The following SPON1 variants were observed in gnomAD, a reference collection of about 807,000 sequenced individuals.
SPON1 encodes spondin 1, also known as spondin-1.
Under a neutral mutation model 111.7 loss-of-function variants are expected in SPON1, and 52 were observed. The observed-to-expected ratio is 0.47, with a 90% CI of 0.37 to 0.59. The LOEUF (loss-of-function observed/expected upper bound fraction) is 0.59, where lower values mean the gene tolerates loss of function less well. Ranked by LOEUF, SPON1 falls within the 20% of genes least tolerant of loss-of-function variation. The probability of loss-of-function intolerance (pLI) is 0.00; values close to 1 mark genes in which losing one functional copy is unlikely to be tolerated. For synonymous variants in SPON1, 410 were observed against 395.8 expected (o/e 1.04, Z -0.43); for missense variants, 957 against 1,068.5 (o/e 0.90, Z 1.46).
In SPON1 at chr11:13,969,894, C is replaced by A. The variant is rs1324889690; in HGVS notation, c.238+6752C>A. On this transcript the variant is annotated intron_variant, in intron 1 of 15. Coordinates refer to ENST00000576479, the MANE Select transcript of SPON1 (RefSeq NM_006108.4). ...TTCCTCAGTTGAGTAGCAGATAAAC[C>A]CTTGGTTTGCTCTGACATGCAAGTA... is the stretch of plus-strand genomic sequence containing the variant. Among the ~76,000 whole-genome samples the A allele has an allele frequency of 2.8e-4, 43 of 152,126 alleles. 2 individuals are homozygous for A. The highest frequency in any genetic ancestry group is 2.8e-3 in the Admixed American group (43 of 15,284).
intron 6 of SPON1, among the ~76,000 whole-genome samples, chr11:14,140,720 TTTTTCCTG>T (rs1847644123): frequency 6.6e-6 from 1 of 152,136 alleles, no homozygotes; most frequent in Non-Finnish European, 1.5e-5. Context: ...CTTTTTCTTT[TTTTTCCTG>T]TTGGAGGAAA....
At chr11:14,265,479 C>G (rs1214211495) in intron 15 of SPON1, 45 bp from the exon 16 acceptor site, 1 of 1,582,494 alleles carries the variant, frequency 6.3e-7, no homozygotes, top group Non-Finnish European at 8.6e-7. Flanking sequence ...CATCCCTGTT[C>G]CGTCCCGTTT....
At chr11:14,236,135 G>C (rs1009964870) in intron 6 of SPON1, among the ~76,000 whole-genome samples, 2 of 152,110 alleles carry the variant, frequency 1.3e-5, no homozygotes, top group African/African-American at 4.8e-5. Context: ...ACTGCTGCAC[G>C]AACAAGAGTC....
chr11:13,981,517 G>A lies in SPON1; in HGVS notation c.239-1330G>A, dbSNP rs547593564. ...AATTGTTTGTATTTTTAGTAGAGAC[G>A]GGGTTTCACCGTGTTAGCCAGGATG... On this transcript the variant is annotated intron_variant, in intron 1 of 15. Transcript: ENST00000576479. Among the ~76,000 whole-genome samples, 19 of 152,262 alleles carry A rather than the reference G, an allele frequency of 1.2e-4. No individual in the cohort carries two copies. The South Asian group carries it at 1.5e-3, about 12-fold the overall frequency.
At chr11:14,243,668 T>C (rs957186360) in intron 7 of SPON1, among the ~76,000 whole-genome samples, 9 of 152,208 alleles carry the variant, frequency 5.9e-5, no homozygotes, top group Admixed American at 5.9e-4. Context: ...TTAACTGTTC[T>C]GTGTTCACTC....
At chr11:14,109,017 C>T (rs1037478821) in intron 5 of SPON1, among the ~76,000 whole-genome samples, 1 of 152,166 alleles carries the variant, frequency 6.6e-6, no homozygotes, top group African/African-American at 2.4e-5. Context: ...TCCTGGGCAG[C>T]TCCTTCTCTT....
intron 6 of SPON1, among the ~76,000 whole-genome samples, chr11:14,229,842 G>A (rs1848776880): frequency 6.6e-6 from 1 of 152,058 alleles, no homozygotes; most frequent in African/African-American, 2.4e-5. Flanking sequence ...CGTGAGCCAC[G>A]AAAATAACTA....
rs1460779640 is a variant in SPON1, at chr11:14,172,341, C to G, written c.825+36773C>G. On this transcript the variant is annotated intron_variant, in intron 6 of 15. Coordinates refer to ENST00000576479, the MANE Select transcript of SPON1 (RefSeq NM_006108.4). ...CCTGCCTTTTTTTGTTTTCCATTTGCTTGGTAGATCTTCCTCCATCCCTTT... is the reference window on the plus strand; with the variant it reads ...CCTGCCTTTTTTTGTTTTCCATTTGGTTGGTAGATCTTCCTCCATCCCTTT... Among the ~76,000 whole-genome samples, 25 of 151,674 alleles carry G rather than the reference C, an allele frequency of 1.6e-4. 1 individual carries two copies. The highest frequency in any genetic ancestry group is 2.9e-4 in the Non-Finnish European group (20 of 67,834).
intron 5 of SPON1, among the ~76,000 whole-genome samples, chr11:14,125,276 C>T (rs1388605573): frequency 6.6e-6 from 1 of 152,230 alleles, no homozygotes; most frequent in Admixed American, 6.5e-5. Context: ...TCCAAAACAA[C>T]TTTTATGAAT....
chr11:14,255,638 T>G lies in SPON1; in HGVS notation c.1093-9T>G. On this transcript the variant is annotated splice_polypyrimidine_tract_variant and intron_variant, in intron 8 of 15. Coordinates refer to ENST00000576479, the MANE Select transcript of SPON1 (RefSeq NM_006108.4). ...TTCTTACTCTCTACCTCTGTATGTTTTCTTGCAGTCACCCAACAAACCCAC... is the reference window on the plus strand; with the variant it reads ...TTCTTACTCTCTACCTCTGTATGTTGTCTTGCAGTCACCCAACAAACCCAC... 1 of 1,613,294 alleles carries G rather than the reference T, an allele frequency of 6.2e-7. No homozygotes were observed. Among genetic ancestry groups the G allele is most frequent in the Non-Finnish European group, 8.5e-7 (1 of 1,179,508 alleles).
At chr11:14,053,341 A>C (rs782604852) in intron 3 of SPON1, among the ~76,000 whole-genome samples, 1 of 152,012 alleles carries the variant, frequency 6.6e-6, no homozygotes, top group Non-Finnish European at 1.5e-5. Context: ...ACCAATCTAC[A>C]TTCCGGCTCT....
intron 6 of SPON1, among the ~76,000 whole-genome samples, chr11:14,163,193 G>C (rs7942319): frequency 0.39 from 59,725 of 152,036 alleles, 11,993 homozygotes; most frequent in East Asian, 0.55. Flanking sequence ...TTACATGAAT[G>C]TCATTGAATC....
At chr11:14,113,130 C>T (rs1554925603) in intron 5 of SPON1, among the ~76,000 whole-genome samples, 1 of 152,236 alleles carries the variant, frequency 6.6e-6, no homozygotes, top group Admixed American at 6.5e-5. Context: ...CAAAGGAATT[C>T]CTGTTGCCCC....
At chr11:13,998,563 G>A (rs762506284) in intron 2 of SPON1, among the ~76,000 whole-genome samples, 4 of 152,084 alleles carry the variant, frequency 2.6e-5, no homozygotes, top group African/African-American at 7.2e-5. Flanking sequence ...CTAGTTCTTC[G>A]CTCACTGTGT....
intron 5 of SPON1, among the ~76,000 whole-genome samples, chr11:14,093,151 A>G (rs894531370): frequency 6.6e-6 from 1 of 152,218 alleles, no homozygotes; most frequent in Non-Finnish European, 1.5e-5. Context: ...AGTGGAGTTC[A>G]TGGACCTTAA....
At chr11:14,037,366 T>TA (rs200043505) in intron 2 of SPON1, among the ~76,000 whole-genome samples, 3,560 of 151,800 alleles carry the variant, frequency 0.023, 127 homozygotes, top group African/African-American at 0.077. Context: ...GTGGTATTAG[T>TA]AAAAAAATAG....
At chr11:14,064,439 G>C (rs1554920177) in intron 3 of SPON1, among the ~76,000 whole-genome samples, 1 of 152,214 alleles carries the variant, frequency 6.6e-6, no homozygotes, top group Non-Finnish European at 1.5e-5. Context: ...GCAGAGAGGA[G>C]GGTAGAAGTG....
At chr11:14,192,751 T>C (rs1554934702) in intron 6 of SPON1, among the ~76,000 whole-genome samples, 2 of 125,982 alleles carry the variant, frequency 1.6e-5, no homozygotes, top group Non-Finnish European at 3.2e-5. Flanking sequence ...CATCACAGGA[T>C]GCAACGTCTG....
At chr11:13,981,433 T>A (rs372977826) in intron 1 of SPON1, among the ~76,000 whole-genome samples, 343 of 152,246 alleles carry the variant, frequency 2.3e-3, no homozygotes, top group African/African-American at 8.0e-3. Context: ...TTCACACCAT[T>A]CTCCTGTCTC....
Sources: allele counts gnomAD v4.1 joint callset (sites outside exome capture counted in the v4.1 genomes callset), GRCh38; gene constraint gnomAD v4.1.1; transcripts MANE v1.5; gene names NCBI Gene and HGNC (gene_info 2026-07-23, HGNC 2026-07-21).